DNAI1: variants seen among roughly 807,000 people sequenced by gnomAD.
DNAI1 encodes the protein dynein axonemal intermediate chain 1, also known as dynein, axonemal, intermediate polypeptide 1.
A neutral mutation model predicts 92.0 loss-of-function variants in DNAI1; 67 were observed. The ratio of observed to expected loss-of-function variants is 0.73; its 90% CI spans 0.60 to 0.89. The LOEUF (loss-of-function observed/expected upper bound fraction) is 0.89, where lower values mean the gene tolerates loss of function less well. DNAI1 is among the 40% of genes least tolerant of loss of function. DNAI1 has a pLI of 0.00. For missense variants in DNAI1, 839 were observed against 866.6 expected (o/e 0.97, Z 0.40); for synonymous variants, 323 against 319.6 (o/e 1.01, Z -0.11).
intron 1 of DNAI1, among the ~76,000 whole-genome samples, chr9:34,477,667 G>C (rs1304770868): frequency 1.3e-5 from 2 of 152,084 alleles, no homozygotes; most frequent in Non-Finnish European, 2.9e-5. Context: ...CTAGTGAGAG[G>C]GTGAAGAAAG....
intron 5 of DNAI1, 110 bp from the exon 6 acceptor site, chr9:34,489,902 C>T (rs1183703910): frequency 1.3e-6 from 2 of 1,523,180 alleles, no homozygotes; most frequent in Non-Finnish European, 8.9e-7. Flanking sequence ...GGAGCTAACC[C>T]ATGACACTCA....
In DNAI1 at chr9:34,520,610, A is replaced by AG. The variant is rs773121259; in HGVS notation, c.2002-41dup. 7 of 1,514,726 alleles carry AG rather than the reference A, an allele frequency of 4.6e-6. No individual in the cohort carries two copies. In the Admixed American group the frequency reaches 5.9e-5, roughly 13 times the overall value. The allele number at this position is 1,514,726 out of a possible 1,614,324, so 93.8% of individuals were successfully genotyped here. On this transcript the variant is annotated intron_variant, in intron 19 of 19. Coordinates refer to ENST00000242317, the MANE Select transcript of DNAI1 (RefSeq NM_012144.4). ...GAGGAGGTGGTGCTGGGACCCAGAG[A>AG]GGGGGGGCCCACCATTCCTCCCTCA...
chr9:34,466,227 C>T (rs1034799263), intron 1 of DNAI1, among the ~76,000 whole-genome samples: 5 of 152,204 alleles, frequency 3.3e-5, no homozygotes, highest in Admixed American at 3.3e-4. Flanking sequence ...TTCATGCCTC[C>T]TTTATCCTAG....
At chr9:34,482,371 A>G (rs1328307569) in intron 1 of DNAI1, among the ~76,000 whole-genome samples, 1 of 150,144 alleles carries the variant, frequency 6.7e-6, no homozygotes, top group Non-Finnish European at 1.5e-5. Context: ...CCTGAGCTAG[A>G]TATAAAGACT....
chr9:34,508,063 T>C (rs1824978680), intron 13 of DNAI1, among the ~76,000 whole-genome samples: 10 of 152,204 alleles, frequency 6.6e-5, no homozygotes, highest in Admixed American at 6.5e-4. Flanking sequence ...TATTTTTCCA[T>C]GGGCAGGACT....
chr9:34,517,131 G>A (rs1276476604), intron 18 of DNAI1, among the ~76,000 whole-genome samples, 154 bp from the exon 19 acceptor site: 1 of 152,042 alleles, frequency 6.6e-6, no homozygotes, highest in Non-Finnish European at 1.5e-5. Context: ...GAAAAACACA[G>A]AGACACAAAA....
intron 12 of DNAI1, among the ~76,000 whole-genome samples, chr9:34,502,783 T>A (rs1263376149): frequency 6.6e-6 from 1 of 151,960 alleles, no homozygotes; most frequent in Non-Finnish European, 1.5e-5. Flanking sequence ...CGTCGTCAGC[T>A]ACAGTCCTGG....
rs1381288674 is a variant in DNAI1, at chr9:34,480,127, A to G, written c.49-3321A>G. 2.6e-5 allele frequency among the ~76,000 whole-genome samples: 4 copies of G among 152,248 alleles called. No homozygotes were observed. In the East Asian group the frequency reaches 5.8e-4, roughly 22 times the overall value. ...GTGTGCCCTTCAGCTCTTCTGCTGCATTGAACCCTCCTGCAGTGCACTAGG... is the reference window on the plus strand; with the variant it reads ...GTGTGCCCTTCAGCTCTTCTGCTGCGTTGAACCCTCCTGCAGTGCACTAGG... On this transcript the variant is annotated intron_variant, in intron 1 of 19. Transcript: ENST00000242317.
intron 9 of DNAI1, 37 bp from the exon 10 acceptor site, chr9:34,497,078 T>C (rs371408818): frequency 6.5e-7 from 1 of 1,533,892 alleles, no homozygotes; most frequent in African/African-American, 1.4e-5. Flanking sequence ...TGCTAAGTGC[T>C]GGTTTATGAG....
At chr9:34,462,850 C>G (rs1005047039) in intron 1 of DNAI1, among the ~76,000 whole-genome samples, 2 of 152,018 alleles carry the variant, frequency 1.3e-5, no homozygotes, top group African/African-American at 4.8e-5. Context: ...TTTATCGTAC[C>G]CACTCTGTGT....
intron 12 of DNAI1, among the ~76,000 whole-genome samples, chr9:34,503,836 A>C (rs552164375): frequency 4.6e-5 from 7 of 152,330 alleles, no homozygotes; most frequent in African/African-American, 1.7e-4. Context: ...TGTTCCCAGC[A>C]GAGTAGAGAA....
At position 34,494,259 on chromosome 9, in the gene DNAI1, G is replaced by A. The variant is rs146547960; in HGVS notation, c.816+931G>A. On this transcript the variant is annotated intron_variant, in intron 9 of 19. Transcript: ENST00000242317. ...CTATGCCTGAGATGTGTCCACTCTC[G>A]CTTAATTCTGTTTCATTATCCTGAT... Among the ~76,000 whole-genome samples, 234 of 152,236 alleles carry A rather than the reference G, an allele frequency of 1.5e-3. 1 individual carries two copies. Among genetic ancestry groups the A allele is most frequent in the African/African-American group, 5.4e-3 (223 of 41,512 alleles).
chr9:34,466,439 T>C (rs1044558787), intron 1 of DNAI1, among the ~76,000 whole-genome samples: 4 of 152,250 alleles, frequency 2.6e-5, no homozygotes, highest in Non-Finnish European at 5.9e-5. Flanking sequence ...GAGAGTCATC[T>C]GCTTCTGTGC....
chr9:34,512,039 C>A, intron 13 of DNAI1, 70 bp from the exon 14 acceptor site: 1 of 1,481,938 alleles, frequency 6.7e-7, no homozygotes, highest in Non-Finnish European at 9.4e-7. Flanking sequence ...TTGGGGGAGC[C>A]CTGCTCTGCC....
At chr9:34,505,553 A>G (rs1437254342) in intron 12 of DNAI1, among the ~76,000 whole-genome samples, 1 of 152,224 alleles carries the variant, frequency 6.6e-6, no homozygotes, top group South Asian at 2.1e-4. Context: ...GGGGGGCCTT[A>G]TTCTGCCTAC....
At chr9:34,504,684 G>T (rs962215812) in intron 12 of DNAI1, among the ~76,000 whole-genome samples, 1 of 152,202 alleles carries the variant, frequency 6.6e-6, no homozygotes, top group Non-Finnish European at 1.5e-5. Context: ...CTAATCGAAC[G>T]AGAGTGCCTG....
chr9:34,477,346 T>G (rs879341221), intron 1 of DNAI1, among the ~76,000 whole-genome samples: 1 of 152,176 alleles, frequency 6.6e-6, no homozygotes, highest in Non-Finnish European at 1.5e-5. Context: ...CTGGTCAACT[T>G]TGGGTCAGTT....
chr9:34,465,150 T>C (rs1158299728), intron 1 of DNAI1, among the ~76,000 whole-genome samples: 2 of 152,186 alleles, frequency 1.3e-5, no homozygotes, highest in Admixed American at 1.3e-4. Flanking sequence ...AGTGAAAAGC[T>C]AAACTGAATT....
At chr9:34,464,939 T>G (rs983756278) in intron 1 of DNAI1, among the ~76,000 whole-genome samples, 1 of 151,990 alleles carries the variant, frequency 6.6e-6, no homozygotes, top group African/African-American at 2.4e-5. Context: ...AAATGGAGAA[T>G]AAGAAGGAGT....
Sources: gnomAD v4.1 joint callset for allele counts (sites outside exome capture counted in the v4.1 genomes callset) on GRCh38, gnomAD v4.1.1 for gene constraint, MANE v1.5 for transcripts, NCBI Gene and HGNC (gene_info 2026-07-23, HGNC 2026-07-21) for gene names.